Variants in CD244 observed in about 807,000 individuals in gnomAD.
The protein encoded by CD244 is natural killer cell receptor 2B4.
A neutral mutation model predicts 45.5 loss-of-function variants in CD244; 20 were observed. The ratio of observed to expected loss-of-function variants is 0.44; its 90% CI spans 0.31 to 0.64. The LOEUF (loss-of-function observed/expected upper bound fraction) is 0.64. Ranked by LOEUF, CD244 falls within the 30% of genes least tolerant of loss-of-function variation. The pLI, the probability that CD244 is intolerant of heterozygous loss-of-function variation, is 0.08. For synonymous variants in CD244, 185 were observed against 160.5 expected, an observed-to-expected ratio of 1.15 and a Z score of -1.15; for missense variants, 407 against 426.9, an observed-to-expected ratio of 0.95 and a Z score of 0.41.
chr1:160,845,292 T>C (rs1189956748), intron 1 of CD244, among the ~76,000 whole-genome samples: 1 of 151,996 alleles, frequency 6.6e-6, no homozygotes, highest in Non-Finnish European at 1.5e-5. Context: ...TTAGATGCCA[T>C]TGAAAAGAGA....
rs559294980 is a variant in CD244, at chr1:160,836,404, G to A, written c.835-150C>T. 4.4e-6 allele frequency: 3 copies of A among 676,574 alleles called. No individual in the cohort carries two copies. The Admixed American group carries it at 6.6e-5, about 15-fold the overall frequency. 41.9% of individuals were successfully genotyped at this position (676,574 alleles called of 1,614,324 possible). A position where few individuals can be genotyped will look rare whatever the true frequency, so the allele number is the denominator to read the frequency against. On this transcript the variant is annotated intron_variant, in intron 5 of 8. Coordinates refer to ENST00000368034, the MANE Select transcript of CD244 (RefSeq NM_016382.4). ...TGGGGAGAGTCATTGATCCTCCCAA[G>A]ATGGGAAGAGACAGGAAGAAGAGCA...
chr1:160,862,599 C>T lies in CD244; in HGVS notation c.61+18G>A. On this transcript the variant is annotated intron_variant, in intron 1 of 8. Coordinates refer to ENST00000368034, the MANE Select transcript of CD244 (RefSeq NM_016382.4). Reference sequence around the variant, plus strand: ...TCCTAGTCCCTCCCTCGCCCCACGCCAGGTAGGACCTCCTTACCTTTGCCC... The same window carrying T: ...TCCTAGTCCCTCCCTCGCCCCACGCTAGGTAGGACCTCCTTACCTTTGCCC... 6.2e-7 allele frequency: 1 copy of T among 1,611,038 alleles called. No homozygotes were observed. Among genetic ancestry groups the T allele is most frequent in the Admixed American group, 1.7e-5 (1 of 59,994 alleles).
intron 1 of CD244, among the ~76,000 whole-genome samples, chr1:160,855,690 G>A (rs945762433): frequency 2.0e-5 from 3 of 152,190 alleles, no homozygotes; most frequent in East Asian, 1.9e-4. Context: ...GAAGGCCCCC[G>A]GGCCCCTGCC....
At chr1:160,851,708 A>G (rs899289530) in intron 1 of CD244, among the ~76,000 whole-genome samples, 1 of 152,106 alleles carries the variant, frequency 6.6e-6, no homozygotes, top group African/African-American at 2.4e-5. Flanking sequence ...GAGACTGGCT[A>G]ATTTTTGCAT....
chr1:160,844,714 C>A (rs1343167196), intron 1 of CD244, among the ~76,000 whole-genome samples: 1 of 152,182 alleles, frequency 6.6e-6, no homozygotes, highest in African/African-American at 2.4e-5. Context: ...GTGGCTCATG[C>A]CCGTAATTCC....
chr1:160,841,892 C>A lies in CD244; in HGVS notation c.71G>T (p.Gly24Val), dbSNP rs747348375. ...GATGCTAACCACATGGTCAGCTGAT[C>A]CCTGGCATCCTAGGAAAGAGAACCC... ...LKVYQGKGCQGSADHVVSISG... is the reference protein window; with the variant it reads ...LKVYQGKGCQVSADHVVSISG... Residue 24 changes from glycine (G) to valine (V), a missense_variant, in exon 2 of 9, where the codon GGA becomes GTA. Transcript: ENST00000368034. The A allele has an allele frequency of 6.2e-7, 1 of 1,613,468 alleles. No homozygotes were observed. Among genetic ancestry groups the A allele is most frequent in the South Asian group, 1.1e-5 (1 of 91,072 alleles).
intron 1 of CD244, among the ~76,000 whole-genome samples, chr1:160,855,729 G>A (rs545826659): frequency 4.3e-4 from 65 of 152,310 alleles, no homozygotes; most frequent in Non-Finnish European, 7.8e-4. Flanking sequence ...CAGCAGCTTT[G>A]GGGGCCACCT....
Position 160,839,056 on chromosome 1 carries a change from A to C in CD244, c.656-7T>G. The C allele has an allele frequency of 6.2e-7, 1 of 1,603,346 alleles. No homozygotes were observed. ...AACGGCCAAAATCTGAATTCTGAGG[A>C]ATACAGAAGGCGTGAGAACTGAGCT... On this transcript the variant is annotated splice_polypyrimidine_tract_variant and splice_region_variant and intron_variant, in intron 3 of 8. Transcript: ENST00000368034.
chr1:160,852,366 A>C (rs146001909), intron 1 of CD244, among the ~76,000 whole-genome samples: 2 of 152,164 alleles, frequency 1.3e-5, no homozygotes, highest in African/African-American at 2.4e-5. Context: ...CCTGGCCAAC[A>C]TGGTGAAACC....
intron 1 of CD244, 55 bp from the exon 2 acceptor site, chr1:160,841,956 T>C (rs2101873836): frequency 6.7e-7 from 1 of 1,497,796 alleles, no homozygotes; most frequent in East Asian, 2.3e-5. Context: ...GCCTGAGCAA[T>C]GTGGGCAGCT....
intron 6 of CD244, among the ~76,000 whole-genome samples, chr1:160,834,993 T>G (rs898647272): frequency 2.1e-4 from 32 of 152,258 alleles, no homozygotes; most frequent in African/African-American, 7.5e-4. Context: ...TGGAGTTCAA[T>G]GTGGCTGAAA....
At chr1:160,853,539 G>C (rs1211610834) in intron 1 of CD244, among the ~76,000 whole-genome samples, 1 of 152,138 alleles carries the variant, frequency 6.6e-6, no homozygotes, top group Non-Finnish European at 1.5e-5. Flanking sequence ...AGCAGAAAAA[G>C]AGTAATGACT....
intron 3 of CD244, among the ~76,000 whole-genome samples, chr1:160,840,775 T>G (rs1371427930): frequency 6.6e-6 from 1 of 152,176 alleles, no homozygotes; most frequent in African/African-American, 2.4e-5. Flanking sequence ...CTCATCTAGG[T>G]ATCCCTGGGG....
In CD244 at chr1:160,841,482, T is replaced by G; in HGVS notation, c.383A>C (p.Lys128Thr). The change falls in exon 3 of 9, where the codon AAA (lysine) becomes ACA (threonine). Residue 128 changes from lysine to threonine, a missense_variant. Physicochemically the swap from Lys to Thr is moderately conservative, Grantham distance 78 (BLOSUM62 -1). Coordinates refer to ENST00000368034, the MANE Select transcript of CD244 (RefSeq NM_016382.4). ...TATFQVFVFD[K>T]VEKPRLQGQG... ...CCCCTGTAGGCGGGGTTTCTCAACT[T>G]TATCTGGAAGCAGAGATTCTGATCA... is the stretch of plus-strand genomic sequence containing the variant. 6.2e-7 allele frequency: 1 copy of G among 1,613,934 alleles called. No individual in the cohort carries two copies. Among genetic ancestry groups the G allele is most frequent in the Non-Finnish European group, 8.5e-7 (1 of 1,179,960 alleles).
At chr1:160,846,182 T>C (rs1461486490) in intron 1 of CD244, among the ~76,000 whole-genome samples, 1 of 152,182 alleles carries the variant, frequency 6.6e-6, no homozygotes, top group East Asian at 1.9e-4. Flanking sequence ...ACTCTATTTA[T>C]AGTCTTTTAT....
chr1:160,858,821 T>A (rs1670196084), intron 1 of CD244, among the ~76,000 whole-genome samples: 1 of 152,120 alleles, frequency 6.6e-6, no homozygotes, highest in Non-Finnish European at 1.5e-5. Context: ...ATTCAAAATA[T>A]ATCCAGAGAA....
chr1:160,834,731 A>T (rs1194922540), intron 6 of CD244, among the ~76,000 whole-genome samples: 2 of 152,226 alleles, frequency 1.3e-5, no homozygotes, highest in Non-Finnish European at 2.9e-5. Context: ...CTCCAAAAGG[A>T]TAAATAGCCC....
chr1:160,835,258 C>A (rs1051440022), intron 6 of CD244, among the ~76,000 whole-genome samples: 2 of 152,004 alleles, frequency 1.3e-5, no homozygotes, highest in African/African-American at 4.8e-5. Flanking sequence ...TTTCTGTAAT[C>A]CCAGAATATA....
chr1:160,844,834 A>C (rs537957), intron 1 of CD244, among the ~76,000 whole-genome samples: 3 of 151,606 alleles, frequency 2.0e-5, no homozygotes, highest in Non-Finnish European at 4.4e-5. Flanking sequence ...AATTAGCCAG[A>C]CATGGTGGCA....
Sources: gnomAD v4.1 joint callset for allele counts (sites outside exome capture counted in the v4.1 genomes callset) on GRCh38, gnomAD v4.1.1 for gene constraint, MANE v1.5 for transcripts, NCBI Gene and HGNC (gene_info 2026-07-23, HGNC 2026-07-21) for gene names.